Variants in RAD51B observed in about 807,000 individuals in gnomAD.
RAD51B encodes the protein DNA repair protein RAD51 homolog 2.
In RAD51B, 38 loss-of-function variants were observed where a neutral mutation model predicts 42.2. The ratio of observed to expected loss-of-function variants is 0.90; its 90% CI spans 0.70 to 1.18. The LOEUF (loss-of-function observed/expected upper bound fraction) is 1.18, where lower values mean the gene tolerates loss of function less well. Among genes scored for constraint, RAD51B ranks in the 50% most tolerant of loss-of-function variants. RAD51B has a pLI of 0.00. For synonymous variants in RAD51B, 154 were observed against 145.2 expected, an observed-to-expected ratio of 1.06 and a Z score of -0.43; for missense variants, 373 against 400.7, an observed-to-expected ratio of 0.93 and a Z score of 0.59.
intron 7 of RAD51B, among the ~76,000 whole-genome samples, chr14:68,131,423 C>T (rs1241856703): frequency 6.6e-6 from 1 of 152,086 alleles, no homozygotes; most frequent in Non-Finnish European, 1.5e-5. Flanking sequence ...TCGCTGGGTG[C>T]GGTGGCTCAC....
At chr14:67,922,193 T>A (rs999423361) in intron 7 of RAD51B, among the ~76,000 whole-genome samples, 2 of 152,164 alleles carry the variant, frequency 1.3e-5, no homozygotes, top group Non-Finnish European at 2.9e-5. Context: ...TCCCTTGCCT[T>A]CTCTTAGTTC....
rs1353367650 is a variant in RAD51B at position 67,869,028 on chromosome 14, A to T, written c.452+3889A>T. Among the ~76,000 whole-genome samples the T allele has an allele frequency of 1.3e-5, 2 of 152,202 alleles. 1 individual carries two copies. Among genetic ancestry groups the T allele is most frequent in the Non-Finnish European group, 2.9e-5 (2 of 68,036 alleles). The stretch of plus-strand genomic sequence containing the variant: ...ACTGGAAACTCTGAAAAGCAGAGCG[A>T]CTTTCCTCCTCCAAAGGAACGCAGT... On this transcript the variant is annotated intron_variant, in intron 5 of 10. Transcript: ENST00000471583.
chr14:68,507,683 CTAATTAACCATGGAATATTCCAT>C (rs1316768593), intron 10 of RAD51B, among the ~76,000 whole-genome samples: 1 of 152,226 alleles, frequency 6.6e-6, no homozygotes, highest in African/African-American at 2.4e-5. Context: ...TCAGTGACTG[CTAATTAACCATGGAATATTCCAT>C]TCCACTGCAT....
intron 5 of RAD51B, among the ~76,000 whole-genome samples, chr14:67,880,378 G>GA (rs1469005108): frequency 1.3e-5 from 2 of 152,116 alleles, no homozygotes; most frequent in Non-Finnish European, 2.9e-5. Context: ...GTCTCCCATG[G>GA]AAAAAGTGAC....
chr14:68,617,028 C>A (rs1418489313), intron 10 of RAD51B, among the ~76,000 whole-genome samples: 1 of 152,004 alleles, frequency 6.6e-6, no homozygotes, highest in Admixed American at 6.6e-5. Context: ...CCTGTCTGTT[C>A]ATTCTGTCTT....
intron 9 of RAD51B, among the ~76,000 whole-genome samples, chr14:68,418,074 A>G (rs1000573169): frequency 1.3e-5 from 2 of 152,224 alleles, no homozygotes; most frequent in Admixed American, 6.5e-5. Flanking sequence ...ATGATGTTTT[A>G]AAAGGCGAAA....
At chr14:68,212,764 G>A (rs1274656) in intron 7 of RAD51B, among the ~76,000 whole-genome samples, 23,916 of 152,148 alleles carry the variant, frequency 0.16, 2,002 homozygotes, top group Middle Eastern at 0.35. Context: ...GAATGATTAC[G>A]TGTGAGAAAA....
intron 9 of RAD51B, among the ~76,000 whole-genome samples, chr14:68,434,893 C>T (rs2085109433): frequency 6.6e-6 from 1 of 152,156 alleles, no homozygotes; most frequent in African/African-American, 2.4e-5. Context: ...AACCGCCCCA[C>T]CACATTTTCT....
chr14:68,371,073 A>AT (rs1305347923), intron 8 of RAD51B, among the ~76,000 whole-genome samples: 5 of 146,622 alleles, frequency 3.4e-5, no homozygotes, highest in Non-Finnish European at 6.0e-5. Flanking sequence ...AGAAAAGAAA[A>AT]TTAAAAAAAA....
chr14:68,003,219 A>C (rs1261690380), intron 7 of RAD51B, among the ~76,000 whole-genome samples: 1 of 152,116 alleles, frequency 6.6e-6, no homozygotes, highest in African/African-American at 2.4e-5. Flanking sequence ...AGTGCTTTAT[A>C]GTTCTCCTTG....
chr14:68,506,053 G>A (rs564629028), intron 10 of RAD51B, among the ~76,000 whole-genome samples: 3 of 152,282 alleles, frequency 2.0e-5, no homozygotes, highest in African/African-American at 7.2e-5. Context: ...CTACCCAAAT[G>A]TGTCTTTGCT....
At chr14:67,947,694 A>G (rs1016266704) in intron 7 of RAD51B, among the ~76,000 whole-genome samples, 4 of 152,182 alleles carry the variant, frequency 2.6e-5, no homozygotes, top group Non-Finnish European at 4.4e-5. Flanking sequence ...ACTTAAGAAC[A>G]TTCAGGCTTT....
At chr14:68,369,824 AC>A (rs2083216454) in intron 8 of RAD51B, among the ~76,000 whole-genome samples, 1 of 152,222 alleles carries the variant, frequency 6.6e-6, no homozygotes, top group South Asian at 2.1e-4. Context: ...AAAAAGTGCT[AC>A]ATACTATATA....
At chr14:68,577,746 A>C (rs1415867625) in intron 10 of RAD51B, among the ~76,000 whole-genome samples, 1 of 152,104 alleles carries the variant, frequency 6.6e-6, no homozygotes, top group African/African-American at 2.4e-5. Flanking sequence ...CTCTCATCAC[A>C]CACACACACA....
chr14:68,065,845 C>A (rs1489548560), intron 7 of RAD51B, among the ~76,000 whole-genome samples: 1 of 151,740 alleles, frequency 6.6e-6, no homozygotes, highest in Non-Finnish European at 1.5e-5. Flanking sequence ...AGACATAATG[C>A]CTAATACTAT....
chr14:68,139,301 T>C (rs901682253), intron 7 of RAD51B, among the ~76,000 whole-genome samples: 50 of 151,704 alleles, frequency 3.3e-4, no homozygotes, highest in African/African-American at 1.2e-3. Flanking sequence ...GATGAGAAAG[T>C]TGAGGTACAG....
At chr14:68,117,620 A>T (rs1296106814) in intron 7 of RAD51B, among the ~76,000 whole-genome samples, 1 of 152,222 alleles carries the variant, frequency 6.6e-6, no homozygotes, top group Non-Finnish European at 1.5e-5. Context: ...AGTAAAAGAG[A>T]TTAAAAATAA....
intron 7 of RAD51B, among the ~76,000 whole-genome samples, chr14:68,269,743 C>T (rs78717239): frequency 0.026 from 3,922 of 152,308 alleles, 178 homozygotes; most frequent in African/African-American, 0.088. Flanking sequence ...GGAACAACGC[C>T]TGTTCCCCAG....
chr14:68,612,490 T>C (rs1348445348), downstream of RAD51B, among the ~76,000 whole-genome samples: 1 of 152,198 alleles, frequency 6.6e-6, no homozygotes, highest in African/African-American at 2.4e-5. Context: ...AGATGACTCT[T>C]TGCCATCAAG....
Sources: allele counts gnomAD v4.1 joint callset (sites outside exome capture counted in the v4.1 genomes callset), GRCh38; gene constraint gnomAD v4.1.1; transcripts MANE v1.5; gene names NCBI Gene and HGNC (gene_info 2026-07-23, HGNC 2026-07-21).